STIM1: variants seen among roughly 807,000 people sequenced by gnomAD.
STIM1 encodes stromal interaction molecule 1.
A neutral mutation model predicts 74.7 loss-of-function variants in STIM1; 25 were observed. The ratio of observed to expected loss-of-function variants is 0.33; its 90% CI spans 0.24 to 0.47. STIM1 has a LOEUF of 0.47. Among genes scored for constraint, STIM1 ranks in the 20% least tolerant of loss-of-function variants. The pLI is 1.00. For missense variants in STIM1, 728 were observed against 920.8 expected (o/e 0.79, Z 2.71); for synonymous variants, 328 against 348.8 (o/e 0.94, Z 0.66).
At chr11:3,980,909 A>G (rs1223066685) in intron 2 of STIM1, among the ~76,000 whole-genome samples, 1 of 152,114 alleles carries the variant, frequency 6.6e-6, no homozygotes, top group East Asian at 1.9e-4. Context: ...AACCAAAAAT[A>G]TTGCCAGTTA....
At chr11:4,078,449 A>G (rs375839006) in intron 7 of STIM1, among the ~76,000 whole-genome samples, 50 of 152,270 alleles carry the variant, frequency 3.3e-4, no homozygotes, top group African/African-American at 1.2e-3. Context: ...AAAATCATCA[A>G]TGTCTCCCAG....
intron 1 of STIM1, chr11:3,922,669 G>T: frequency 5.2e-6 from 1 of 193,904 alleles, no homozygotes; most frequent in East Asian, 1.2e-4. Flanking sequence ...CAGCTTGCTC[G>T]GTAGCTGGTG....
At position 4,013,690 on chromosome 11, in the gene STIM1, C is replaced by CTTT. The variant is rs1169600270; in HGVS notation, c.271-10153_271-10151dup. ...AACCAGCTCCTGGATTCATTGATTTCTTTTTTTTTTTTTTTTTTTTTTTTT... is the reference window on the plus strand; with the variant it reads ...AACCAGCTCCTGGATTCATTGATTTCTTTTTTTTTTTTTTTTTTTTTTTTTTTT... On this transcript the variant is annotated intron_variant, in intron 2 of 12. Coordinates refer to ENST00000526596, the MANE Select transcript of STIM1 (RefSeq NM_001382567.1). 6.0e-3 allele frequency among the ~76,000 whole-genome samples: 311 copies of CTTT among 51,932 alleles called. 40 individuals carry two copies. Among genetic ancestry groups the CTTT allele is most frequent in the East Asian group, 9.2e-3 (16 of 1,746 alleles). The allele number at this position is 51,932 out of a possible 152,430, so 34.1% of individuals were successfully genotyped here.
chr11:3,971,240 A>G (rs2093390357), intron 2 of STIM1, among the ~76,000 whole-genome samples: 1 of 151,892 alleles, frequency 6.6e-6, no homozygotes, highest in African/African-American at 2.4e-5. Context: ...TGAAAAAAAA[A>G]AAAAAAGGGC....
chr11:3,981,465 T>C (rs906063940), intron 2 of STIM1, among the ~76,000 whole-genome samples: 1 of 152,196 alleles, frequency 6.6e-6, no homozygotes, highest in Non-Finnish European at 1.5e-5. Flanking sequence ...GGGTGCTGAG[T>C]TGACGTTATT....
intron 2 of STIM1, among the ~76,000 whole-genome samples, chr11:4,002,002 G>A (rs370882437): frequency 1.1e-3 from 145 of 136,816 alleles, no homozygotes; most frequent in African/African-American, 1.6e-3. Context: ...GCCATTACAT[G>A]ATGGTAAAGG....
At chr11:3,882,912 A>G (rs897993845) in intron 1 of STIM1, among the ~76,000 whole-genome samples, 3 of 152,114 alleles carry the variant, frequency 2.0e-5, no homozygotes, top group African/African-American at 4.8e-5. Context: ...GCATTTCTCT[A>G]ATCTCTAATG....
chr11:4,009,758 A>C (rs1403725755), intron 2 of STIM1, among the ~76,000 whole-genome samples: 1 of 152,150 alleles, frequency 6.6e-6, no homozygotes, highest in East Asian at 1.9e-4. Context: ...TTAAATTGTT[A>C]GTCCTTAAGC....
intron 3 of STIM1, among the ~76,000 whole-genome samples, chr11:4,042,251 A>T (rs922914962): frequency 2.6e-5 from 4 of 152,162 alleles, no homozygotes; most frequent in Non-Finnish European, 4.4e-5. Flanking sequence ...CCTTCCCCCA[A>T]ATGTCCACAT....
intron 1 of STIM1, among the ~76,000 whole-genome samples, chr11:3,881,598 C>G (rs2091504182): frequency 6.6e-6 from 1 of 152,186 alleles, no homozygotes; most frequent in Non-Finnish European, 1.5e-5. Context: ...GTCTCCATCT[C>G]CTGACCTCAT....
At chr11:4,086,368 A>G (rs1353057323) in intron 11 of STIM1, 109 bp from the exon 12 acceptor site, 2 of 1,300,656 alleles carry the variant, frequency 1.5e-6, no homozygotes, top group African/African-American at 1.5e-5. Flanking sequence ...CCAGATTGGC[A>G]TTAGAGGCCC....
chr11:4,082,265 C>T lies in STIM1; in HGVS notation c.1051C>T (p.Leu351=), dbSNP rs763658017. The change falls in exon 8 of 13, where the codon CTG becomes TTG. Residue 351 remains leucine, a synonymous_variant. Transcript: ENST00000526596. Reference sequence around the variant, plus strand: ...TGCTCCAGAGGCCCTTCAGAAGTGGCTGCAGCTGACACATGAGGTGGAGGT... The same window carrying T: ...TGCTCCAGAGGCCCTTCAGAAGTGGTTGCAGCTGACACATGAGGTGGAGGT... ...WYAPEALQKW[L]QLTHEVEVQY... is the part of the protein sequence containing the mutation. The T allele has an allele frequency of 2.5e-6, 4 of 1,614,004 alleles. No homozygotes were observed. Among genetic ancestry groups the T allele is most frequent in the Non-Finnish European group, 3.4e-6 (4 of 1,180,022 alleles).
Position 4,059,141 on chromosome 11 carries a change from G to A in STIM1, c.498-140G>A, listed in dbSNP as rs114098793. 7 of 833,138 alleles carry A rather than the reference G, an allele frequency of 8.4e-6. No homozygotes were observed. In the African/African-American group the frequency reaches 1.2e-4, roughly 14 times the overall value. 51.6% of individuals were successfully genotyped at this position (833,138 alleles called of 1,614,324 possible). On this transcript the variant is annotated intron_variant, in intron 4 of 12. Coordinates refer to ENST00000526596, the MANE Select transcript of STIM1 (RefSeq NM_001382567.1). ...CATATACCCTGTTGAGACCCAACTG[G>A]TATAGACTCTGTGTTCTAGAGTGCA...
At chr11:3,937,028 G>T (rs751199177) in intron 1 of STIM1, among the ~76,000 whole-genome samples, 28 of 152,112 alleles carry the variant, frequency 1.8e-4, no homozygotes, top group Middle Eastern at 6.8e-3. Flanking sequence ...CTCTGCAGCT[G>T]GGTGCAGTGG....
chr11:4,067,798 G>C (rs2094377741), intron 5 of STIM1, among the ~76,000 whole-genome samples: 1 of 152,190 alleles, frequency 6.6e-6, no homozygotes, highest in African/African-American at 2.4e-5. Context: ...TAAGGGAAGG[G>C]AGATATTATC....
intron 1 of STIM1, among the ~76,000 whole-genome samples, chr11:3,886,767 G>T (rs892807857): frequency 6.6e-6 from 1 of 151,254 alleles, no homozygotes; most frequent in African/African-American, 2.4e-5. Flanking sequence ...ACTTTGGGAG[G>T]CCGAGGCGGG....
At chr11:3,913,565 C>T (rs1025674633) in intron 1 of STIM1, among the ~76,000 whole-genome samples, 1 of 152,148 alleles carries the variant, frequency 6.6e-6, no homozygotes, top group Non-Finnish European at 1.5e-5. Flanking sequence ...TCTTGCCATG[C>T]CTTGCTTCTA....
chr11:3,942,625 A>G (rs531074479), intron 1 of STIM1, among the ~76,000 whole-genome samples: 41 of 152,230 alleles, frequency 2.7e-4, no homozygotes, highest in African/African-American at 9.9e-4. Context: ...TTTCCTCTCA[A>G]TGAACTGTGG....
intron 1 of STIM1, among the ~76,000 whole-genome samples, chr11:3,898,634 T>G: frequency 6.6e-6 from 1 of 151,054 alleles, no homozygotes; most frequent in Non-Finnish European, 1.5e-5. Flanking sequence ...TCTTCTAGGG[T>G]TTTTATGATT....
Sources: gnomAD v4.1 joint callset for allele counts (sites outside exome capture counted in the v4.1 genomes callset) on GRCh38, gnomAD v4.1.1 for gene constraint, MANE v1.5 for transcripts, NCBI Gene and HGNC (gene_info 2026-07-23, HGNC 2026-07-21) for gene names.